Variants in WWOX observed in about 807,000 individuals in gnomAD.
WWOX encodes WW domain containing oxidoreductase.
WWOX carries 69 observed loss-of-function variants against 46.2 expected under a neutral mutation model. The observed-to-expected ratio is 1.49, with a 90% CI of 1.23 to 1.82. The LOEUF (loss-of-function observed/expected upper bound fraction) is 1.82, where lower values mean the gene tolerates loss of function less well. WWOX is among the 40% of genes most tolerant of loss of function. WWOX has a pLI of 0.00. For synonymous variants in WWOX, 359 were observed against 202.6 expected (o/e 1.77, Z -6.56); for missense variants, 919 against 542.6 (o/e 1.69, Z -6.89).
chr16:78,674,846 A>G (rs2047554153), intron 8 of WWOX, among the ~76,000 whole-genome samples: 1 of 148,098 alleles, frequency 6.8e-6, no homozygotes, highest in Admixed American at 6.8e-5. Flanking sequence ...TTTTTTCTGG[A>G]AGAAAGAGCA....
At chr16:78,928,051 A>T (rs564390096) in intron 8 of WWOX, among the ~76,000 whole-genome samples, 1 of 152,112 alleles carries the variant, frequency 6.6e-6, no homozygotes, top group Non-Finnish European at 1.5e-5. Context: ...AAAAAATATC[A>T]TACTCTCAGA....
intron 8 of WWOX, among the ~76,000 whole-genome samples, chr16:78,437,216 A>C (rs1231882108): frequency 1.3e-5 from 2 of 152,170 alleles, no homozygotes; most frequent in Non-Finnish European, 2.9e-5. Flanking sequence ...TTCTAATATC[A>C]ACGTCCCTTT....
At chr16:78,290,794 C>T (rs902186916) in intron 5 of WWOX, among the ~76,000 whole-genome samples, 6 of 152,068 alleles carry the variant, frequency 3.9e-5, no homozygotes, top group African/African-American at 1.4e-4. Flanking sequence ...TGTGCTTTTA[C>T]AGCAGTACAA....
chr16:78,845,686 A>C (rs922269925), intron 8 of WWOX, among the ~76,000 whole-genome samples: 14 of 152,192 alleles, frequency 9.2e-5, no homozygotes, highest in African/African-American at 3.1e-4. Context: ...CAAGGTAACT[A>C]ATATTTCCGG....
At chr16:78,965,974 T>C (rs2046356475) in intron 8 of WWOX, among the ~76,000 whole-genome samples, 1 of 152,206 alleles carries the variant, frequency 6.6e-6, no homozygotes, top group Non-Finnish European at 1.5e-5. Context: ...AAGGAGATGC[T>C]GTGATTTGGT....
chr16:78,715,007 C>G (rs1447444368), intron 8 of WWOX, among the ~76,000 whole-genome samples: 1 of 152,090 alleles, frequency 6.6e-6, no homozygotes, highest in Non-Finnish European at 1.5e-5. Context: ...TTGTCATGGC[C>G]TGGGTGTGGT....
At chr16:79,158,608 C>T (rs577034589) in intron 8 of WWOX, among the ~76,000 whole-genome samples, 6 of 152,358 alleles carry the variant, frequency 3.9e-5, no homozygotes, top group African/African-American at 1.4e-4. Flanking sequence ...CACCAAGTTC[C>T]TGCATTCCCG....
intron 4 of WWOX, among the ~76,000 whole-genome samples, chr16:78,152,143 T>G (rs754735449): frequency 2.7e-5 from 4 of 150,730 alleles, no homozygotes; most frequent in Non-Finnish European, 5.9e-5. Context: ...TGAGCCGAGA[T>G]CGCGCCACTG....
chr16:78,975,628 C>T (rs1297511469), intron 8 of WWOX, among the ~76,000 whole-genome samples: 1 of 152,020 alleles, frequency 6.6e-6, no homozygotes, highest in Non-Finnish European at 1.5e-5. Context: ...AGTGTTTATT[C>T]CCCAACTGTC....
chr16:78,496,133 A>G (rs2084913243), intron 8 of WWOX: 1 of 152,092 alleles, frequency 6.6e-6, no homozygotes, highest in Non-Finnish European at 1.5e-5. Context: ...CATTCCCCAT[A>G]CACCACCTTG....
intron 8 of WWOX, among the ~76,000 whole-genome samples, chr16:78,670,253 C>G (rs932452881): frequency 6.6e-6 from 1 of 152,152 alleles, no homozygotes; most frequent in Non-Finnish European, 1.5e-5. Context: ...GCCAGCCACT[C>G]TTCTACCCAG....
intron 5 of WWOX, among the ~76,000 whole-genome samples, chr16:78,345,815 A>G (rs1453330641): frequency 8.4e-6 from 1 of 119,124 alleles, no homozygotes; most frequent in East Asian, 1.9e-4. Flanking sequence ...AATTTGAGGC[A>G]TTGACACATG....
intron 8 of WWOX, among the ~76,000 whole-genome samples, chr16:78,907,840 C>A (rs3898101): frequency 1.6e-4 from 24 of 152,082 alleles, no homozygotes; most frequent in African/African-American, 5.3e-4. Flanking sequence ...TCACCAGCCC[C>A]GCAAAGACGA....
chr16:79,178,471 A>G (rs371043228), intron 8 of WWOX, among the ~76,000 whole-genome samples: 8 of 152,178 alleles, frequency 5.3e-5, no homozygotes, highest in East Asian at 3.9e-4. Context: ...GAGCACCACC[A>G]TGCCTGGCTA....
intron 5 of WWOX, among the ~76,000 whole-genome samples, chr16:78,235,182 G>A (rs1426422203): frequency 6.6e-6 from 1 of 152,146 alleles, no homozygotes; most frequent in Non-Finnish European, 1.5e-5. Flanking sequence ...GTTATTAGTA[G>A]GAAGGGGCCT....
At chr16:78,894,195 G>A (rs1027196601) in intron 8 of WWOX, among the ~76,000 whole-genome samples, 1 of 151,954 alleles carries the variant, frequency 6.6e-6, no homozygotes, top group Non-Finnish European at 1.5e-5. Context: ...AGTGTACTGT[G>A]GCAATTGTTA....
At chr16:78,350,285 T>C (rs2081161358) in intron 5 of WWOX, among the ~76,000 whole-genome samples, 1 of 121,838 alleles carries the variant, frequency 8.2e-6, no homozygotes, top group Admixed American at 8.0e-5. Context: ...AGCTACTTTA[T>C]TGATATATAA....
At chr16:78,338,831 C>T (rs189478316) in intron 5 of WWOX, among the ~76,000 whole-genome samples, 3,243 of 119,234 alleles carry the variant, frequency 0.027, 982 homozygotes, top group Non-Finnish European at 0.043. Context: ...ATTTCTTTTT[C>T]TTTTTGTAAA....
intron 8 of WWOX, among the ~76,000 whole-genome samples, chr16:78,805,070 C>T (rs989821697): frequency 1.3e-5 from 2 of 152,198 alleles, no homozygotes; most frequent in African/African-American, 4.8e-5. Context: ...AATAAAAGTA[C>T]TTTTCTGCAT....
Sources: allele counts gnomAD v4.1 joint callset (sites outside exome capture counted in the v4.1 genomes callset), GRCh38; gene constraint gnomAD v4.1.1; transcripts MANE v1.5; gene names NCBI Gene and HGNC (gene_info 2026-07-23, HGNC 2026-07-21).